The following NSUN3 variants were observed in gnomAD, a reference collection of about 807,000 sequenced individuals.
NSUN3 encodes NOP2/Sun RNA methyltransferase 3, also known as tRNA (cytosine(34)-C(5))-methyltransferase, mitochondrial.
NSUN3 carries 24 observed loss-of-function variants against 36.8 expected under a neutral mutation model. That is an observed-to-expected ratio of 0.65 (90% CI 0.47 to 0.92). The LOEUF is 0.92. NSUN3 is among the 40% of genes least tolerant of loss of function. The probability of loss-of-function intolerance (pLI) is 0.00; values close to 1 mark genes in which losing one functional copy is unlikely to be tolerated. For missense variants in NSUN3, 381 were observed against 392.8 expected (o/e 0.97, Z 0.25); for synonymous variants, 146 against 145.2 (o/e 1.01, Z -0.04).
At chr3:94,114,634 A>T (rs192619962) in intron 5 of NSUN3, among the ~76,000 whole-genome samples, 161 of 152,224 alleles carry the variant, frequency 1.1e-3, no homozygotes, top group Non-Finnish European at 1.9e-3. Context: ...TGTATTTTAG[A>T]TTCGGGGGTA....
In NSUN3 at chr3:94,126,799, G is replaced by A. The variant is rs74946031; in HGVS notation, c.*309G>A. On this transcript the variant is annotated 3_prime_UTR_variant, in exon 6 of 6. Transcript: ENST00000314622. Reference sequence around the variant, plus strand: ...TGTGGTTTTATGCATAACGTGTTTAGTTCTGTATTCTTTCTATGATAGTGC... The same window carrying A: ...TGTGGTTTTATGCATAACGTGTTTAATTCTGTATTCTTTCTATGATAGTGC... 1,147 of 226,196 alleles carry A rather than the reference G, an allele frequency of 5.1e-3. 18 individuals carry two copies. The highest frequency in any genetic ancestry group is 0.025 in the African/African-American group (1,075 of 43,770). The allele number at this position is 226,196 out of a possible 1,614,324, so 14.0% of individuals were successfully genotyped here.
chr3:94,086,495 G>A (rs539730497), intron 3 of NSUN3, among the ~76,000 whole-genome samples: 1 of 152,280 alleles, frequency 6.6e-6, no homozygotes, highest in African/African-American at 2.4e-5. Flanking sequence ...ACATTGGTGT[G>A]TATCCCCAAG....
rs1446137411 is a variant in NSUN3 at position 94,069,010 on chromosome 3, G to A, written c.122+4464G>A. Among the ~76,000 whole-genome samples the A allele has an allele frequency of 2.6e-5, 4 of 152,300 alleles. No individual in the cohort carries two copies. The East Asian group carries it at 7.7e-4, about 29-fold the overall frequency. The stretch of plus-strand genomic sequence containing the variant: ...TTTAAAGTCAGAGGTTAGAACAATT[G>A]ATAGGTATCTTGTAGTTGTGGCAAA... On this transcript the variant is annotated intron_variant, in intron 2 of 5. Transcript: ENST00000314622.
At position 94,124,092 on chromosome 3, in the gene NSUN3, A is replaced by G. The variant is rs77378658; in HGVS notation, c.744-2119A>G. On this transcript the variant is annotated intron_variant, in intron 5 of 5. Transcript: ENST00000314622. ...TTGCTAGAGTTGCCATAACAAAATA[A>G]CAAGACTGTGTGGCTTAAACAATAG... Among the ~76,000 whole-genome samples the G allele has an allele frequency of 3.1e-3, 473 of 151,820 alleles. 1 individual carries two copies. The highest frequency in any genetic ancestry group is 0.011 in the African/African-American group (459 of 41,434).
chr3:94,076,235 A>G, intron 2 of NSUN3: 2 of 919,952 alleles, frequency 2.2e-6, no homozygotes, highest in Middle Eastern at 3.2e-4. Flanking sequence ...TATTTCATCC[A>G]TGTGACTCAG....
chr3:94,067,383 A>G (rs1228962229), intron 2 of NSUN3, among the ~76,000 whole-genome samples: 1 of 152,206 alleles, frequency 6.6e-6, no homozygotes, highest in Non-Finnish European at 1.5e-5. Context: ...TATAACTGTG[A>G]TTATAACAGC....
At chr3:94,066,000 C>T (rs1361174506) in intron 2 of NSUN3, among the ~76,000 whole-genome samples, 1 of 151,200 alleles carries the variant, frequency 6.6e-6, no homozygotes, top group Non-Finnish European at 1.5e-5. Context: ...TTGTCTGACT[C>T]AATAACTCCC....
At chr3:94,105,066 C>G (rs1199981436) in intron 5 of NSUN3, among the ~76,000 whole-genome samples, 1 of 152,122 alleles carries the variant, frequency 6.6e-6, no homozygotes, top group Non-Finnish European at 1.5e-5. Context: ...CACATAAATT[C>G]TTCTAGTTTA....
intron 3 of NSUN3, chr3:94,084,907 TTAAG>T (rs890346801): frequency 2.6e-5 from 4 of 152,538 alleles, no homozygotes; most frequent in African/African-American, 9.6e-5. Flanking sequence ...CCTTAAATAT[TTAAG>T]TAGTTCCATT....
At chr3:94,091,089 T>C (rs1302928707) in intron 3 of NSUN3, among the ~76,000 whole-genome samples, 2 of 152,094 alleles carry the variant, frequency 1.3e-5, no homozygotes, top group Non-Finnish European at 2.9e-5. Flanking sequence ...TAAATCCATA[T>C]GGGTCTGCAG....
rs1198898703 is a variant in NSUN3 at position 94,127,300 on chromosome 3, G to T, written c.*810G>T. Reference sequence around the variant, plus strand: ...CACTGAACTATATTTGGAGAGTTTTGTTACATAATTGCAGTCATAATGAGC... The same window carrying T: ...CACTGAACTATATTTGGAGAGTTTTTTTACATAATTGCAGTCATAATGAGC... On this transcript the variant is annotated 3_prime_UTR_variant, in exon 6 of 6. Coordinates refer to ENST00000314622, the MANE Select transcript of NSUN3 (RefSeq NM_022072.5). The T allele has an allele frequency of 1.3e-5, 2 of 152,108 alleles. No homozygotes were observed. Among genetic ancestry groups the T allele is most frequent in the Non-Finnish European group, 2.9e-5 (2 of 68,020 alleles). The allele number at this position is 152,108 out of a possible 1,614,324, so 9.4% of individuals were successfully genotyped here.
chr3:94,130,561 A>C lies in NSUN3; in HGVS notation c.*4071A>C, dbSNP rs1326349134. On this transcript the variant is annotated 3_prime_UTR_variant, in exon 6 of 6. Transcript: ENST00000314622. ...ATAAAATGTTCTAAAACTAGAAAAA[A>C]CATGGTCTTGTAACATGTTATTTTC... is the stretch of plus-strand genomic sequence containing the variant. Among the ~76,000 whole-genome samples, 1 of 152,230 alleles carries C rather than the reference A, an allele frequency of 6.6e-6. No homozygotes were observed. The highest frequency in any genetic ancestry group is 1.5e-5 in the Non-Finnish European group (1 of 68,044).
rs1243268707 is a variant in NSUN3 at position 94,130,419 on chromosome 3, C to T, written c.*3929C>T. Among the ~76,000 whole-genome samples the T allele has an allele frequency of 6.6e-6, 1 of 152,084 alleles. No homozygotes were observed. Among genetic ancestry groups the T allele is most frequent in the African/African-American group, 2.4e-5 (1 of 41,418 alleles). On this transcript the variant is annotated 3_prime_UTR_variant, in exon 6 of 6. Coordinates refer to ENST00000314622, the MANE Select transcript of NSUN3 (RefSeq NM_022072.5). ...ATCTTGCATAATGTCTGCATTTTTC[C>T]ATTGATTGGAGTGCATCCTTAGAAA...
chr3:94,065,027 A>G (rs2107232084), intron 2 of NSUN3, among the ~76,000 whole-genome samples: 1 of 151,492 alleles, frequency 6.6e-6, no homozygotes, highest in South Asian at 2.1e-4. Flanking sequence ...TACACACAAA[A>G]TTATTTAAAT....
rs1447169093 is a variant in NSUN3 at position 94,129,318 on chromosome 3, A to G, written c.*2828A>G. Among the ~76,000 whole-genome samples, 2 of 152,274 alleles carry G rather than the reference A, an allele frequency of 1.3e-5. No homozygotes were observed. Among genetic ancestry groups the G allele is most frequent in the African/African-American group, 4.8e-5 (2 of 41,482 alleles). ...ACATATACCTCGTGTAATATTACACAGTGATAAAAAAGAATGAAATAATGT... is the reference window on the plus strand; with the variant it reads ...ACATATACCTCGTGTAATATTACACGGTGATAAAAAAGAATGAAATAATGT... On this transcript the variant is annotated 3_prime_UTR_variant, in exon 6 of 6. Coordinates refer to ENST00000314622, the MANE Select transcript of NSUN3 (RefSeq NM_022072.5).
intron 3 of NSUN3, among the ~76,000 whole-genome samples, chr3:94,092,017 A>G (rs781720289): frequency 2.6e-5 from 4 of 152,210 alleles, no homozygotes; most frequent in Admixed American, 6.5e-5. Flanking sequence ...GAGCCTCCCA[A>G]TGAGTGCCAG....
At position 94,131,077 on chromosome 3, in the gene NSUN3, T is replaced by C. The variant is rs2077507034; in HGVS notation, c.*4587T>C. ...ACAGGCCCACAATACCATGCCTGGC[T>C]AATTTTTAAATTATTATTATTATTA... On this transcript the variant is annotated 3_prime_UTR_variant, in exon 6 of 6. Transcript: ENST00000314622. Among the ~76,000 whole-genome samples, 1 of 151,996 alleles carries C rather than the reference T, an allele frequency of 6.6e-6. No individual in the cohort carries two copies. Among genetic ancestry groups the C allele is most frequent in the Admixed American group, 6.6e-5 (1 of 15,242 alleles).
chr3:94,102,176 C>G (rs541287710), intron 5 of NSUN3, among the ~76,000 whole-genome samples: 1 of 89,630 alleles, frequency 1.1e-5, no homozygotes, highest in Non-Finnish European at 2.1e-5. Flanking sequence ...ACTCTGACAG[C>G]AAGAATTGTG....
At chr3:94,116,984 A>G (rs73158005) in intron 5 of NSUN3, among the ~76,000 whole-genome samples, 6,098 of 128,404 alleles carry the variant, frequency 0.047, 310 homozygotes, top group Non-Finnish European at 0.07. Context: ...ATCTGCCACA[A>G]CTTTTTTTTT....
Sources: gnomAD v4.1 joint callset for allele counts (sites outside exome capture counted in the v4.1 genomes callset) on GRCh38, gnomAD v4.1.1 for gene constraint, MANE v1.5 for transcripts, NCBI Gene and HGNC (gene_info 2026-07-23, HGNC 2026-07-21) for gene names.